The following PLCL1 variants were observed in gnomAD, a reference collection of about 807,000 sequenced individuals.
PLCL1 encodes phospholipase C like 1 (inactive).
Under a neutral mutation model 84.4 loss-of-function variants are expected in PLCL1, and 41 were observed. That is an observed-to-expected ratio of 0.49 (90% CI 0.38 to 0.63). The LOEUF (loss-of-function observed/expected upper bound fraction) is 0.63, where lower values mean the gene tolerates loss of function less well. Ranked by LOEUF, PLCL1 falls within the 30% of genes least tolerant of loss-of-function variation. The probability of loss-of-function intolerance (pLI) is 0.00; values close to 1 mark genes in which losing one functional copy is unlikely to be tolerated. For missense variants in PLCL1, 1,206 were observed against 1,367.8 expected (o/e 0.88, Z 1.87); for synonymous variants, 490 against 488.3 (o/e 1.00, Z -0.05).
At chr2:197,863,777 C>A (rs530892121) in intron 1 of PLCL1, among the ~76,000 whole-genome samples, 1 of 152,150 alleles carries the variant, frequency 6.6e-6, no homozygotes, top group East Asian at 1.9e-4. Flanking sequence ...TTGAAGTCAT[C>A]CCGTGTATAA....
At chr2:198,078,077 T>C (rs563377050) in intron 1 of PLCL1, among the ~76,000 whole-genome samples, 28 of 152,304 alleles carry the variant, frequency 1.8e-4, no homozygotes, top group African/African-American at 6.7e-4. Context: ...TATCTCTTTA[T>C]TGTAATGCTG....
intron 3 of PLCL1, among the ~76,000 whole-genome samples, chr2:198,090,891 T>G (rs1438744660): frequency 6.6e-6 from 1 of 152,186 alleles, no homozygotes; most frequent in Non-Finnish European, 1.5e-5. Flanking sequence ...CAATTGCCAT[T>G]TCACACCCCC....
intron 1 of PLCL1, among the ~76,000 whole-genome samples, chr2:198,007,458 A>C (rs1371722813): frequency 6.6e-6 from 1 of 152,216 alleles, no homozygotes; most frequent in Non-Finnish European, 1.5e-5. Flanking sequence ...AACAGGGACC[A>C]TGAAGACATA....
intron 1 of PLCL1, among the ~76,000 whole-genome samples, chr2:197,975,611 C>A (rs976358322): frequency 1.6e-4 from 24 of 151,526 alleles, no homozygotes; most frequent in Non-Finnish European, 1.6e-4. Flanking sequence ...CGAGACCAGT[C>A]TGTGCAACAG....
intron 5 of PLCL1, among the ~76,000 whole-genome samples, chr2:198,133,137 C>G: frequency 6.6e-6 from 1 of 151,634 alleles, no homozygotes; most frequent in Non-Finnish European, 1.5e-5. Context: ...AAATGTCCAA[C>G]AATGATAGAC....
chr2:198,101,208 C>G, intron 3 of PLCL1, 77 bp from the exon 4 acceptor site: 1 of 818,418 alleles, frequency 1.2e-6, no homozygotes, highest in Non-Finnish European at 2.1e-6. Context: ...TCATGTGGGT[C>G]TCTCTGTATG....
At chr2:197,964,798 A>T (rs1248960744) in intron 1 of PLCL1, among the ~76,000 whole-genome samples, 4 of 152,102 alleles carry the variant, frequency 2.6e-5, no homozygotes, top group African/African-American at 4.8e-5. Context: ...TCATGAAGGG[A>T]TATTGGATTT....
At chr2:197,845,077 T>C (rs1687095684) in intron 1 of PLCL1, among the ~76,000 whole-genome samples, 1 of 152,106 alleles carries the variant, frequency 6.6e-6, no homozygotes, top group Non-Finnish European at 1.5e-5. Context: ...ATTAACAAGT[T>C]ATTCAGCCTT....
intron 1 of PLCL1, among the ~76,000 whole-genome samples, chr2:197,849,188 C>G (rs1300727427): frequency 1.3e-5 from 2 of 152,058 alleles, no homozygotes; most frequent in Non-Finnish European, 2.9e-5. Flanking sequence ...ATGCAAGGAA[C>G]AGTAGGTTTG....
intron 1 of PLCL1, among the ~76,000 whole-genome samples, chr2:197,812,436 T>G (rs1574891557): frequency 6.6e-6 from 1 of 152,200 alleles, no homozygotes; most frequent in East Asian, 1.9e-4. Context: ...GTGTTCCATT[T>G]TCTCCACAAC....
At chr2:198,011,155 T>C (rs776563780) in intron 1 of PLCL1, among the ~76,000 whole-genome samples, 2 of 151,968 alleles carry the variant, frequency 1.3e-5, no homozygotes, top group Non-Finnish European at 2.9e-5. Flanking sequence ...CTGCTAACTT[T>C]GAATTTAGTT....
intron 1 of PLCL1, among the ~76,000 whole-genome samples, chr2:197,835,952 G>T (rs1446982289): frequency 6.6e-6 from 1 of 152,026 alleles, no homozygotes; most frequent in Non-Finnish European, 1.5e-5. Flanking sequence ...CTATTTCCCA[G>T]GTTGGTCCAT....
At chr2:198,113,680 A>C (rs1448601004) in intron 5 of PLCL1, among the ~76,000 whole-genome samples, 1 of 151,904 alleles carries the variant, frequency 6.6e-6, no homozygotes, top group Non-Finnish European at 1.5e-5. Context: ...TTGCCAAAAC[A>C]ATTTGAAAAT....
Position 197,866,159 on chromosome 2 carries a change from CTATATATATATATAAACTA to C in PLCL1, c.240+60833_240+60851del, listed in dbSNP as rs1559029549. Among the ~76,000 whole-genome samples, 3 of 8,994 alleles carry C rather than the reference CTATATATATATATAAACTA, an allele frequency of 3.3e-4. No individual in the cohort carries two copies. The African/African-American group carries it at 5.9e-3, about 18-fold the overall frequency. The allele number at this position is 8,994 out of a possible 152,430, so 5.9% of individuals were successfully genotyped here. The stretch of plus-strand genomic sequence containing the variant: ...TATATAAACTATATATATATATAAA[CTATATATATATATAAACTA>C]TATATATATATAAACTATATATATA... On this transcript the variant is annotated intron_variant, in intron 1 of 5. Transcript: ENST00000428675.
intron 5 of PLCL1, among the ~76,000 whole-genome samples, chr2:198,131,375 A>G (rs899566834): frequency 1.3e-5 from 2 of 152,154 alleles, no homozygotes; most frequent in African/African-American, 4.8e-5. Context: ...CTATTCCACT[A>G]TCATAGCACT....
intron 1 of PLCL1, among the ~76,000 whole-genome samples, chr2:197,924,039 C>T (rs1007674363): frequency 4.1e-5 from 6 of 148,086 alleles, no homozygotes; most frequent in African/African-American, 1.2e-4. Context: ...CGCAGGCACT[C>T]GGCAGGCTGA....
At chr2:197,868,700 T>G in intron 1 of PLCL1, among the ~76,000 whole-genome samples, 1 of 147,566 alleles carries the variant, frequency 6.8e-6, no homozygotes, top group African/African-American at 2.5e-5. Context: ...AGAGATAAGG[T>G]CTCGCTTTTT....
intron 5 of PLCL1, among the ~76,000 whole-genome samples, chr2:198,127,908 G>A (rs1574331986): frequency 6.6e-6 from 1 of 151,794 alleles, no homozygotes; most frequent in East Asian, 2.0e-4. Context: ...TTACTTTTAA[G>A]TTTAGGTAGA....
In PLCL1 at chr2:198,085,550, T is replaced by C. The variant is rs748000196; in HGVS notation, c.2033T>C (p.Met678Thr). ...AATTTTCAGACTCCGGGTCCAATGA[T>C]GGACCTTCACACGGGCTGGTTTCTT... ...AMNFQTPGPM[M>T]DLHTGWFLQN... is the part of the protein sequence containing the mutation. The change falls in exon 2 of 6, where the codon ATG becomes ACG. Residue 678 changes from methionine (M) to threonine (T), a missense_variant. Coordinates refer to ENST00000428675, the MANE Select transcript of PLCL1 (RefSeq NM_006226.4). This position sits in a 1 kb window ranked among gnomAD's most constrained non-coding sequence, Gnocchi z 5.3. The C allele has an allele frequency of 6.2e-7, 1 of 1,614,122 alleles. No homozygotes were observed. Among genetic ancestry groups the C allele is most frequent in the Non-Finnish European group, 8.5e-7 (1 of 1,179,968 alleles).
Sources: allele counts gnomAD v4.1 joint callset (sites outside exome capture counted in the v4.1 genomes callset), GRCh38; gene constraint gnomAD v4.1.1; non-coding constraint Gnocchi (gnomAD v3.1); transcripts MANE v1.5; gene names NCBI Gene and HGNC (gene_info 2026-07-23, HGNC 2026-07-21).